Variants in FSD1L observed in about 807,000 individuals in gnomAD.
The protein encoded by FSD1L is FSD1-like protein.
In FSD1L, 45 loss-of-function variants were observed where a neutral mutation model predicts 71.6. That is an observed-to-expected ratio of 0.63 (90% confidence interval 0.49 to 0.81). The LOEUF (loss-of-function observed/expected upper bound fraction) is 0.81, where lower values mean the gene tolerates loss of function less well. Ranked by LOEUF, FSD1L falls within the 30% of genes least tolerant of loss-of-function variation. The probability of loss-of-function intolerance (pLI) is 0.00; values close to 1 mark genes in which losing one functional copy is unlikely to be tolerated. For missense variants in FSD1L, 561 were observed against 618.1 expected, an observed-to-expected ratio of 0.91 and a Z score of 0.98; for synonymous variants, 197 against 207.2, an observed-to-expected ratio of 0.95 and a Z score of 0.42.
At chr9:105,527,747 C>T (rs1377475496) in intron 10 of FSD1L, among the ~76,000 whole-genome samples, 3 of 151,488 alleles carry the variant, frequency 2.0e-5, no homozygotes, top group African/African-American at 7.3e-5. Context: ...GACAAGGATG[C>T]CCTCTCTCAC....
chr9:105,471,335 C>T (rs996922500), intron 4 of FSD1L, among the ~76,000 whole-genome samples: 15 of 152,004 alleles, frequency 9.9e-5, no homozygotes, highest in African/African-American at 2.4e-4. Flanking sequence ...TGTTGTTTGT[C>T]GGGACCTTCT....
intron 1 of FSD1L, among the ~76,000 whole-genome samples, chr9:105,448,680 G>C (rs901966929): frequency 2.6e-5 from 4 of 152,174 alleles, no homozygotes; most frequent in African/African-American, 9.7e-5. Flanking sequence ...ACCAAGTCTC[G>C]TCTCAGCACC....
intron 3 of FSD1L, among the ~76,000 whole-genome samples, 181 bp from the exon 4 acceptor site, chr9:105,468,012 G>A (rs79895060): frequency 0.02 from 3,054 of 152,216 alleles, 100 homozygotes; most frequent in African/African-American, 0.07. Flanking sequence ...TAGCATTAGC[G>A]GGCAGTTTGT....
At chr9:105,521,997 A>G (rs1438516678) in intron 10 of FSD1L, 3 of 1,613,258 alleles carry the variant, frequency 1.9e-6, no homozygotes, top group Non-Finnish European at 2.5e-6. Flanking sequence ...TTGGGAACAC[A>G]TGCTGCTTGT....
Position 105,519,597 on chromosome 9 carries a change from A to C in FSD1L, c.1025+6661A>C, listed in dbSNP as rs541851805. ...CAGAAAAGGCCTTTGACAAAATTCAACTCCCCTTCATGCTAAAAACTCTCA... is the reference window on the plus strand; with the variant it reads ...CAGAAAAGGCCTTTGACAAAATTCACCTCCCCTTCATGCTAAAAACTCTCA... On this transcript the variant is annotated intron_variant, in intron 10 of 13. Transcript: ENST00000481272. Among the ~76,000 whole-genome samples, 5 of 152,204 alleles carry C rather than the reference A, an allele frequency of 3.3e-5. No individual in the cohort carries two copies. The East Asian group carries it at 9.7e-4, about 29-fold the overall frequency.
At position 105,448,168 on chromosome 9, in the gene FSD1L, CCT is replaced by C; in HGVS notation, c.-51_-50del. 2 of 1,535,724 alleles carry C rather than the reference CCT, an allele frequency of 1.3e-6. No individual in the cohort carries two copies. The highest frequency in any genetic ancestry group is 2.4e-5 in the South Asian group (2 of 83,792). ...TGGGGTGTGCGATCTCGCTGAGCCTCCTCACACGGTTCGTCGTCTCGGGTTCG... is the reference window on the plus strand; with the variant it reads ...TGGGGTGTGCGATCTCGCTGAGCCTCCACACGGTTCGTCGTCTCGGGTTCG... On this transcript the variant is annotated 5_prime_UTR_variant, in exon 1 of 14. Transcript: ENST00000481272.
intron 10 of FSD1L, chr9:105,519,981 G>A (rs1835021027): frequency 2.9e-6 from 4 of 1,356,900 alleles, no homozygotes; most frequent in Admixed American, 2.9e-5. Flanking sequence ...GGCCTGGATC[G>A]GGGAGGAGTC....
intron 10 of FSD1L, chr9:105,522,097 G>A (rs1391675075): frequency 6.2e-7 from 1 of 1,613,390 alleles, no homozygotes; most frequent in Non-Finnish European, 8.5e-7. Context: ...TTGGCAGGTC[G>A]ACTTGCAGGA....
rs1170523425 is a variant in FSD1L, at chr9:105,512,664, G to A, written c.896-143G>A. 5 of 442,160 alleles carry A rather than the reference G, an allele frequency of 1.1e-5. No individual in the cohort carries two copies. In the Admixed American group the frequency reaches 2.0e-4, roughly 18 times the overall value. 27.4% of individuals were successfully genotyped at this position (442,160 alleles called of 1,614,324 possible). A position where few individuals can be genotyped will look rare whatever the true frequency, so the allele number is the denominator to read the frequency against. ...ATAGCCTGATTATTGAGAACTTTAA[G>A]TGCTAGGATTATGAATTTGAACTTT... is the stretch of plus-strand genomic sequence containing the variant. On this transcript the variant is annotated intron_variant, in intron 9 of 13. Coordinates refer to ENST00000481272, the MANE Select transcript of FSD1L (RefSeq NM_001145313.3).
At chr9:105,449,353 A>AT (rs1829845098) in intron 1 of FSD1L, among the ~76,000 whole-genome samples, 1 of 152,246 alleles carries the variant, frequency 6.6e-6, no homozygotes, top group Non-Finnish European at 1.5e-5. Flanking sequence ...TTCTTAAGGC[A>AT]TTTTTTAAAA....
intron 10 of FSD1L, among the ~76,000 whole-genome samples, chr9:105,515,997 T>C (rs571513412): frequency 6.6e-6 from 1 of 152,146 alleles, no homozygotes; most frequent in African/African-American, 2.4e-5. Context: ...TGGGACGCTA[T>C]AGCTTGGTCG....
intron 4 of FSD1L, among the ~76,000 whole-genome samples, chr9:105,471,421 T>C (rs2131642879): frequency 6.6e-6 from 1 of 152,204 alleles, no homozygotes; most frequent in South Asian, 2.1e-4. Flanking sequence ...AATAGAAACA[T>C]TTTTAAAACT....
Position 105,512,797 on chromosome 9 carries a change from T to C in FSD1L, c.896-10T>C, listed in dbSNP as rs973266317. On this transcript the variant is annotated splice_polypyrimidine_tract_variant and intron_variant, in intron 9 of 13. Transcript: ENST00000481272. ...ATTTTAAAAATATATTTAAATATTA[T>C]CTTGAATAGCACTTAACTTCAATTT... The C allele has an allele frequency of 2.1e-6, 3 of 1,417,920 alleles. No individual in the cohort carries two copies. The highest frequency in any genetic ancestry group is 2.7e-5 in the Admixed American group (1 of 37,414). 87.8% of individuals were successfully genotyped at this position (1,417,920 alleles called of 1,614,324 possible). A position where few individuals can be genotyped will look rare whatever the true frequency, so the allele number is the denominator to read the frequency against.
Position 105,548,826 on chromosome 9 carries a change from C to T in FSD1L, c.*2343C>T, listed in dbSNP as rs1327059878. The T allele has an allele frequency of 6.6e-6, 1 of 151,970 alleles. No individual in the cohort carries two copies. The highest frequency in any genetic ancestry group is 1.5e-5 in the Non-Finnish European group (1 of 67,942). The allele number at this position is 151,970 out of a possible 1,614,324, so 9.4% of individuals were successfully genotyped here. ...ATAAGAGTCTGAGGATTTCTTCTTA[C>T]TGGCGTTCTTAAAGGTCTCTAAAAT... On this transcript the variant is annotated 3_prime_UTR_variant, in exon 14 of 14. Coordinates refer to ENST00000481272, the MANE Select transcript of FSD1L (RefSeq NM_001145313.3).
chr9:105,523,873 C>T, intron 10 of FSD1L: 2 of 1,593,370 alleles, frequency 1.3e-6, no homozygotes, highest in Middle Eastern at 4.5e-4. Context: ...TTGCCTGGTG[C>T]CACAATGCTT....
chr9:105,497,139 T>G (rs1833462617), intron 7 of FSD1L, among the ~76,000 whole-genome samples: 1 of 152,240 alleles, frequency 6.6e-6, no homozygotes. Context: ...GTGAGATTTT[T>G]CTTTTTAAGC....
chr9:105,510,863 A>T (rs1834351765), intron 9 of FSD1L, among the ~76,000 whole-genome samples: 1 of 152,164 alleles, frequency 6.6e-6, no homozygotes, highest in Non-Finnish European at 1.5e-5. Flanking sequence ...AGTTAAACAT[A>T]TGAAACATAT....
chr9:105,535,195 A>G lies in FSD1L; in HGVS notation c.1255A>G (p.Ser419Gly). The change falls in exon 12 of 14, where the codon AGT becomes GGT. Residue 419 changes from serine (S) to glycine (G), a missense_variant. Coordinates refer to ENST00000481272, the MANE Select transcript of FSD1L (RefSeq NM_001145313.3). ...TGACCAATTGGGAAAGACAAACACT[A>G]GTTGGTGTATCCATGTCAACAACTG... ...KFDQLGKTNT[S>G]WCIHVNNWLQ... 1.3e-6 allele frequency: 2 copies of G among 1,552,086 alleles called. No homozygotes were observed. Among genetic ancestry groups the G allele is most frequent in the East Asian group, 2.4e-5 (1 of 40,908 alleles).
intron 7 of FSD1L, among the ~76,000 whole-genome samples, chr9:105,498,223 A>ATTATTATTATTATTG (rs770554725): frequency 0.046 from 6,771 of 146,898 alleles, 222 homozygotes; most frequent in Admixed American, 0.082. Flanking sequence ...TATTATTATT[A>ATTATTATTATTATTG]TTGTTTTTAG....
Sources: gnomAD v4.1 joint callset for allele counts (sites outside exome capture counted in the v4.1 genomes callset) on GRCh38, gnomAD v4.1.1 for gene constraint, MANE v1.5 for transcripts, NCBI Gene and HGNC (gene_info 2026-07-23, HGNC 2026-07-21) for gene names.